ZDHHC11: variants seen among roughly 807,000 people sequenced by gnomAD.
ZDHHC11 encodes palmitoyltransferase ZDHHC11.
ZDHHC11 carries 44 observed loss-of-function variants against 51.3 expected under a neutral mutation model. The ratio of observed to expected loss-of-function variants is 0.86; its 90% CI spans 0.67 to 1.10. The LOEUF is 1.10. Among genes scored for constraint, ZDHHC11 ranks in the 50% least tolerant of loss-of-function variants. The pLI is 0.00. For missense variants in ZDHHC11, 400 were observed against 537.7 expected (o/e 0.74, Z 2.53); for synonymous variants, 163 against 222.0 (o/e 0.73, Z 2.36).
rs568776439 is a variant in ZDHHC11 at position 807,335 on chromosome 5, A to G, written c.1182-6171T>C. Among the ~76,000 whole-genome samples the G allele has an allele frequency of 1.1e-3, 170 of 151,412 alleles. 5 individuals carry two copies. Among genetic ancestry groups the G allele is most frequent in the Non-Finnish European group, 2.3e-3 (158 of 67,674 alleles). Reference sequence around the variant, plus strand: ...AATATACAACTATATCTATATAGATATCTAAGGAACAAAATTTGAAGGAAA... The same window carrying G: ...AATATACAACTATATCTATATAGATGTCTAAGGAACAAAATTTGAAGGAAA... On this transcript the variant is annotated intron_variant, in intron 11 of 12. Transcript: ENST00000283441.
chr5:850,224 G>C (rs1415465006), intron 1 of ZDHHC11, 157 bp downstream of exon 1: 1 of 808,646 alleles, frequency 1.2e-6, no homozygotes, highest in Non-Finnish European at 2.0e-6. Flanking sequence ...AGCATGAGTG[G>C]CCACTGGGCC....
intron 10 of ZDHHC11, among the ~76,000 whole-genome samples, chr5:817,163 T>G (rs1293313709): frequency 6.6e-6 from 1 of 151,596 alleles, no homozygotes; most frequent in Non-Finnish European, 1.5e-5. Flanking sequence ...ATATGAGAAG[T>G]TGTAGCTCTG....
intron 3 of ZDHHC11, among the ~76,000 whole-genome samples, chr5:845,997 C>T (rs746093928): frequency 0.015 from 2,132 of 143,624 alleles, no homozygotes; most frequent in Non-Finnish European, 0.022. Context: ...TGAGCCAGCT[C>T]GAGGCACCAG....
chr5:852,816 C>A (rs34575605), upstream of ZDHHC11, among the ~76,000 whole-genome samples: 351 of 146,064 alleles, frequency 2.4e-3, 1 homozygote, highest in Non-Finnish European at 3.6e-3. Flanking sequence ...CGGGGACAGA[C>A]CCCACGGAGG....
At chr5:831,540 G>GC (rs1191796971) in intron 7 of ZDHHC11, among the ~76,000 whole-genome samples, 1 of 147,876 alleles carries the variant, frequency 6.8e-6, no homozygotes, top group Non-Finnish European at 1.5e-5. Context: ...CCAAGATCAT[G>GC]CCCCTGCACT....
chr5:836,035 C>T (rs1284036156), intron 6 of ZDHHC11, among the ~76,000 whole-genome samples: 1 of 135,340 alleles, frequency 7.4e-6, no homozygotes, highest in East Asian at 1.9e-4. Context: ...TTCTCTGTGC[C>T]TTCATTTTCC....
At chr5:844,109 A>C (rs1383331646) in intron 3 of ZDHHC11, among the ~76,000 whole-genome samples, 1 of 151,826 alleles carries the variant, frequency 6.6e-6, no homozygotes, top group East Asian at 1.9e-4. Context: ...CGTCCACTTG[A>C]GGGCGCCTGG....
chr5:848,699 A>G, intron 1 of ZDHHC11, 39 bp from the exon 2 acceptor site: 6 of 1,611,636 alleles, frequency 3.7e-6, no homozygotes, highest in Non-Finnish European at 4.2e-6. Context: ...GGGCCTGGTC[A>G]GCCTGGCACG....
upstream of ZDHHC11, among the ~76,000 whole-genome samples, chr5:854,830 G>T (rs1379852546): frequency 6.9e-6 from 1 of 145,142 alleles, no homozygotes; most frequent in African/African-American, 2.5e-5. Context: ...CAGCGAGCCG[G>T]GGGGCACAGA....
chr5:805,238 G>T (rs1439391527), intron 11 of ZDHHC11, among the ~76,000 whole-genome samples: 1 of 151,266 alleles, frequency 6.6e-6, no homozygotes, highest in Non-Finnish European at 1.5e-5. Context: ...AGGAGTTCAA[G>T]TCCAGCCTGG....
chr5:824,508 G>C (rs1310373461), intron 8 of ZDHHC11, among the ~76,000 whole-genome samples: 4 of 151,432 alleles, frequency 2.6e-5, no homozygotes, highest in Non-Finnish European at 5.9e-5. Context: ...GCTGACCCCA[G>C]AGCAGGAACA....
At chr5:812,983 G>A (rs2150314344) in intron 11 of ZDHHC11, among the ~76,000 whole-genome samples, 1 of 141,048 alleles carries the variant, frequency 7.1e-6, no homozygotes, top group East Asian at 2.2e-4. Flanking sequence ...GATACAATTA[G>A]CATGTAACAA....
intron 6 of ZDHHC11, among the ~76,000 whole-genome samples, chr5:835,298 G>C (rs1330683799): frequency 6.6e-6 from 1 of 151,496 alleles, no homozygotes; most frequent in Non-Finnish European, 1.5e-5. Flanking sequence ...AGTACCACTT[G>C]TTGAACTATA....
chr5:846,692 G>T (rs1746235481), intron 3 of ZDHHC11, among the ~76,000 whole-genome samples: 1 of 146,562 alleles, frequency 6.8e-6, no homozygotes, highest in Non-Finnish European at 1.5e-5. Flanking sequence ...ATGCTCAGGG[G>T]AAACACCTCT....
At chr5:847,055 T>C (rs1258635831) in intron 3 of ZDHHC11, among the ~76,000 whole-genome samples, 2 of 138,120 alleles carry the variant, frequency 1.4e-5, no homozygotes, top group South Asian at 2.2e-4. Flanking sequence ...ACACCTCTCG[T>C]CTATGAGCCT....
In ZDHHC11 at chr5:856,192, C is replaced by T. The variant is rs940138507; in HGVS notation, c.-1+2682G>A. Among the ~76,000 whole-genome samples, 4 of 151,862 alleles carry T rather than the reference C, an allele frequency of 2.6e-5. No individual in the cohort carries two copies. The East Asian group carries it at 5.8e-4, about 22-fold the overall frequency. On this transcript the variant is annotated intron_variant, in intron 1 of 3. Coordinates refer to the ZDHHC11 transcript ENST00000685990. The stretch of plus-strand genomic sequence containing the variant: ...TACCACACAGACCACGTACCACACA[C>T]ACCACACACCACACAACACAGACCA...
chr5:854,854 A>G (rs1204624445), upstream of ZDHHC11, among the ~76,000 whole-genome samples: 1 of 146,102 alleles, frequency 6.8e-6, no homozygotes, highest in Non-Finnish European at 1.5e-5. Context: ...CACAGAGGAC[A>G]GCGAGCCGGG....
intron 7 of ZDHHC11, among the ~76,000 whole-genome samples, chr5:828,486 C>T (rs988302549): frequency 1.3e-5 from 2 of 151,310 alleles, no homozygotes; most frequent in African/African-American, 4.9e-5. Context: ...GGACGGGGGA[C>T]CTGCCAAATT....
chr5:843,711 T>G lies in ZDHHC11; in HGVS notation c.517A>C (p.Thr173Pro), dbSNP rs1745484842. The G allele has an allele frequency of 6.3e-7, 1 of 1,592,272 alleles. No homozygotes were observed. Among genetic ancestry groups the G allele is most frequent in the African/African-American group, 1.4e-5 (1 of 70,050 alleles). ...GSRNYWFFFS[T>P]VASATAGMLC... ...ATGCCAGCTGTGGCCGAGGCCACAG[T>G]GCTGAAGAAGAACCTGCCGGGAGAC... Residue 173 changes from threonine (T) to proline (P), a missense_variant, in exon 4 of 13, where the codon ACT (threonine) becomes CCT (proline). Around this residue, in one of 5 missense-constraint regions of ZDHHC11, gnomAD observed 2 missense variants for 82.7 expected, o/e 0.02. Transcript: ENST00000283441.
Sources: gnomAD v4.1 joint callset for allele counts (sites outside exome capture counted in the v4.1 genomes callset) on GRCh38, gnomAD v4.1.1 for gene constraint, gnomAD v4.1.1 regional missense constraint, MANE v1.5 for transcripts, NCBI Gene and HGNC (gene_info 2026-07-23, HGNC 2026-07-21) for gene names.